KIF26B: variants seen among roughly 807,000 people sequenced by gnomAD.
KIF26B encodes the protein kinesin-like protein KIF26B.
Under a neutral mutation model 151.2 loss-of-function variants are expected in KIF26B, and 63 were observed. The ratio of observed to expected loss-of-function variants is 0.42; its 90% CI spans 0.34 to 0.51. The LOEUF is 0.51. Ranked by LOEUF, KIF26B falls within the 20% of genes least tolerant of loss-of-function variation. KIF26B has a pLI of 0.07. For synonymous variants in KIF26B, 1,357 were observed against 1,262.1 expected, an observed-to-expected ratio of 1.08 and a Z score of -1.59; for missense variants, 2,813 against 2,913.6, an observed-to-expected ratio of 0.97 and a Z score of 0.79.
At chr1:245,477,037 A>G (rs554480005) in intron 4 of KIF26B, among the ~76,000 whole-genome samples, 2 of 151,862 alleles carry the variant, frequency 1.3e-5, no homozygotes, top group South Asian at 2.1e-4. Context: ...GTGGGAGATG[A>G]TATTTCTAAG....
At chr1:245,644,296 T>C (rs1310599175) in intron 9 of KIF26B, among the ~76,000 whole-genome samples, 3 of 152,320 alleles carry the variant, frequency 2.0e-5, no homozygotes, top group Non-Finnish European at 4.4e-5. Flanking sequence ...ATATTTTTTT[T>C]ATCTCACACA....
At chr1:245,678,599 C>T (rs974401812) in intron 10 of KIF26B, among the ~76,000 whole-genome samples, 1 of 152,132 alleles carries the variant, frequency 6.6e-6, no homozygotes, top group South Asian at 2.1e-4. Context: ...CACAGTGGCT[C>T]ACGCCTGTAA....
intron 2 of KIF26B, among the ~76,000 whole-genome samples, chr1:245,224,596 T>C (rs1290756721): frequency 6.6e-6 from 1 of 152,264 alleles, no homozygotes; most frequent in East Asian, 1.9e-4. Flanking sequence ...CTTGTATTTG[T>C]CACCATGAAC....
chr1:245,155,740 G>A (rs560475282), intron 1 of KIF26B, among the ~76,000 whole-genome samples: 6 of 152,346 alleles, frequency 3.9e-5, no homozygotes, highest in Non-Finnish European at 5.9e-5. Flanking sequence ...CCGCATTCCT[G>A]CACTTCTAGG....
chr1:245,582,495 T>C (rs923498692), intron 5 of KIF26B, among the ~76,000 whole-genome samples: 1 of 152,190 alleles, frequency 6.6e-6, no homozygotes, highest in African/African-American at 2.4e-5. Flanking sequence ...GTTTCAGCAT[T>C]ACTGAACCAC....
intron 2 of KIF26B, among the ~76,000 whole-genome samples, chr1:245,365,519 C>A (rs573063494): frequency 1.1e-4 from 17 of 149,052 alleles, no homozygotes; most frequent in African/African-American, 4.1e-4. Context: ...CAACTCCCCC[C>A]CACCAGCCTA....
chr1:245,557,811 C>T (rs1158358343), intron 5 of KIF26B, among the ~76,000 whole-genome samples: 1 of 151,518 alleles, frequency 6.6e-6, no homozygotes, highest in Non-Finnish European at 1.5e-5. Context: ...AGGCCAATCT[C>T]AGGGCATGTC....
chr1:245,598,408 G>A (rs1236589839), intron 5 of KIF26B, among the ~76,000 whole-genome samples: 2 of 152,116 alleles, frequency 1.3e-5, no homozygotes, highest in South Asian at 2.1e-4. Context: ...CCTCCTGAAC[G>A]CTTGAGTCTG....
intron 4 of KIF26B, among the ~76,000 whole-genome samples, chr1:245,444,467 T>C (rs551465456): frequency 3.9e-5 from 6 of 152,338 alleles, no homozygotes; most frequent in African/African-American, 1.4e-4. Context: ...CAGCGGGTGC[T>C]GAGGAAATGG....
At chr1:245,253,879 T>G (rs1483592374) in intron 2 of KIF26B, among the ~76,000 whole-genome samples, 3 of 138,536 alleles carry the variant, frequency 2.2e-5, no homozygotes, top group East Asian at 2.3e-4. Flanking sequence ...GCGCGATCCC[T>G]GCTCACTGCC....
intron 4 of KIF26B, among the ~76,000 whole-genome samples, chr1:245,455,739 A>T (rs1039871634): frequency 6.6e-6 from 1 of 152,136 alleles, no homozygotes; most frequent in Non-Finnish European, 1.5e-5. Context: ...GCCCTGAGCA[A>T]TGCTAGACTC....
At chr1:245,555,979 AG>A (rs1159715687) in intron 5 of KIF26B, among the ~76,000 whole-genome samples, 2 of 150,284 alleles carry the variant, frequency 1.3e-5, no homozygotes, top group East Asian at 3.9e-4. Context: ...CAGTAGGGAG[AG>A]GTGCATCACC....
At chr1:245,692,616 A>G (rs149022598) in intron 12 of KIF26B, among the ~76,000 whole-genome samples, 126 of 152,274 alleles carry the variant, frequency 8.3e-4, no homozygotes, top group Non-Finnish European at 1.5e-3. Flanking sequence ...CGCAAGCCAC[A>G]GTCACACCCG....
chr1:245,684,110 C>T (rs2044475157), intron 10 of KIF26B, 123 bp from the exon 11 acceptor site: 1 of 978,050 alleles, frequency 1.0e-6, no homozygotes, highest in Non-Finnish European at 1.5e-6. Context: ...ATTAGTATGC[C>T]ATTAAAAAGG....
chr1:245,619,159 A>G (rs12038408), intron 9 of KIF26B, among the ~76,000 whole-genome samples: 173 of 92,298 alleles, frequency 1.9e-3, no homozygotes, highest in Middle Eastern at 7.9e-3. Flanking sequence ...AGCCCTATTA[A>G]ACTATGGGTT....
At chr1:245,618,846 T>C (rs373443389) in intron 9 of KIF26B, among the ~76,000 whole-genome samples, 296 of 137,936 alleles carry the variant, frequency 2.1e-3, no homozygotes, top group Non-Finnish European at 3.5e-3. Flanking sequence ...TATTAGACTA[T>C]AGGTTCCTTG....
chr1:245,582,968 C>T (rs1437290022), intron 5 of KIF26B, among the ~76,000 whole-genome samples: 1 of 152,146 alleles, frequency 6.6e-6, no homozygotes, highest in Non-Finnish European at 1.5e-5. Flanking sequence ...CCCCCACTCT[C>T]TCTCAGAGGT....
rs769850588 is a variant in KIF26B at position 245,687,503 on chromosome 1, G to A, written c.4520G>A (p.Arg1507Lys). The A allele has an allele frequency of 8.2e-5, 130 of 1,578,160 alleles. No homozygotes were observed. Among genetic ancestry groups the A allele is most frequent in the Non-Finnish European group, 1.0e-4 (117 of 1,162,404 alleles). ...VSASPVTDNF[R>K]RVVDGCEMAL... ...GCCTCCCCGGTCACTGACAACTTCA[G>A]GAGGGTCGTGGATGGGTGTGAGATG... The change falls in exon 12 of 15, where the codon AGG becomes AAG. Residue 1507 changes from arginine to lysine, a missense_variant. Arg to Lys is a conservative substitution (Grantham distance 26). This residue lies in a region of KIF26B where 2,060 missense variants were observed against 2,088.6 expected (regional missense o/e 0.99). Coordinates refer to ENST00000407071, the MANE Select transcript of KIF26B (RefSeq NM_018012.4). The surrounding 1 kb of genome is among the most constrained non-coding windows in gnomAD (Gnocchi z 4.9).
chr1:245,658,011 A>G (rs1460046446), intron 10 of KIF26B, among the ~76,000 whole-genome samples: 1 of 152,106 alleles, frequency 6.6e-6, no homozygotes, highest in Non-Finnish European at 1.5e-5. Flanking sequence ...CGGTGACCAC[A>G]GTGCTGAATT....
Sources: gnomAD v4.1 joint callset for allele counts (sites outside exome capture counted in the v4.1 genomes callset) on GRCh38, gnomAD v4.1.1 for gene constraint, gnomAD v4.1.1 regional missense constraint, Gnocchi (gnomAD v3.1) non-coding constraint, MANE v1.5 for transcripts, NCBI Gene and HGNC (gene_info 2026-07-23, HGNC 2026-07-21) for gene names.